The following OTUD7B variants were observed in gnomAD, a reference collection of about 807,000 sequenced individuals.
OTUD7B encodes the protein OTU domain-containing protein 7B.
OTUD7B carries 34 observed loss-of-function variants against 82.2 expected under a neutral mutation model. The observed-to-expected ratio is 0.41, with a 90% CI of 0.31 to 0.55. OTUD7B has a LOEUF of 0.55. OTUD7B is among the 20% of genes least tolerant of loss of function. OTUD7B has a pLI of 0.20. For missense variants in OTUD7B, 944 were observed against 1,062.1 expected (o/e 0.89, Z 1.55); for synonymous variants, 398 against 402.7 (o/e 0.99, Z 0.14).
chr1:150,016,722 G>A, the OTUD7B span, among the ~76,000 whole-genome samples: 1 of 152,186 alleles, frequency 6.6e-6, no homozygotes, highest in Non-Finnish European at 1.5e-5. Context: ...AAAGTGCTGA[G>A]ATTACAGGAG....
the OTUD7B span, among the ~76,000 whole-genome samples, chr1:150,019,356 G>GA: frequency 6.6e-6 from 1 of 151,114 alleles, no homozygotes; most frequent in Non-Finnish European, 1.5e-5. Context: ...AATTGTCTTT[G>GA]TTTTGTTTGT....
At chr1:149,999,780 G>T (rs1353458506) in intron 1 of OTUD7B, among the ~76,000 whole-genome samples, 1 of 151,978 alleles carries the variant, frequency 6.6e-6, no homozygotes, top group African/African-American at 2.4e-5. Flanking sequence ...CTTCACATGC[G>T]ACTACCTTCA....
At chr1:150,008,281 G>A (rs1553786614) in intron 1 of OTUD7B, among the ~76,000 whole-genome samples, 1 of 152,058 alleles carries the variant, frequency 6.6e-6, no homozygotes, top group African/African-American at 2.4e-5. Flanking sequence ...CACTAATATT[G>A]GCACCAATCA....
intron 11 of OTUD7B, 81 bp from the exon 12 acceptor site, chr1:149,945,146 A>C: frequency 6.6e-7 from 1 of 1,515,826 alleles, no homozygotes; most frequent in Non-Finnish European, 8.8e-7. Context: ...TAGCCCATCC[A>C]TCTGGCTCAG....
chr1:149,963,097 T>A (rs975711791), intron 6 of OTUD7B: 4 of 152,176 alleles, frequency 2.6e-5, no homozygotes, highest in Non-Finnish European at 4.4e-5. Flanking sequence ...TCTACTTACA[T>A]ATTAAATCTT....
At chr1:149,970,446 G>T (rs185780962) in intron 3 of OTUD7B, among the ~76,000 whole-genome samples, 1 of 151,924 alleles carries the variant, frequency 6.6e-6, no homozygotes, top group Admixed American at 6.6e-5. Context: ...AGCCTCCCAA[G>T]TAGCTGGGAT....
At chr1:150,020,752 G>A in the OTUD7B span, among the ~76,000 whole-genome samples, 8 of 152,270 alleles carry the variant, frequency 5.3e-5, no homozygotes, top group East Asian at 1.3e-3. Context: ...TTTATTTAAA[G>A]CTACTGATTT....
At chr1:149,956,950 G>A (rs1553774686) in intron 7 of OTUD7B, among the ~76,000 whole-genome samples, 1 of 152,004 alleles carries the variant, frequency 6.6e-6, no homozygotes, top group African/African-American at 2.4e-5. Flanking sequence ...CTTTTTTCAA[G>A]GTTTTTAGCT....
At chr1:149,980,114 G>GA (rs1402438332) in intron 1 of OTUD7B, among the ~76,000 whole-genome samples, 2 of 151,776 alleles carry the variant, frequency 1.3e-5, no homozygotes, top group Non-Finnish European at 2.9e-5. Flanking sequence ...AGAAGTGAAT[G>GA]AAAACTAGTG....
At position 149,949,776 on chromosome 1, in the gene OTUD7B, A is replaced by G. The variant is rs1648043692; in HGVS notation, c.976T>C (p.Phe326Leu). Residue 326 changes from phenylalanine (F) to leucine (L), a missense_variant and splice_region_variant, in exon 9 of 12, where the codon TTT becomes CTT. Phe to Leu is a conservative substitution (Grantham distance 22). Transcript: ENST00000581312. ...ATTCCTCCAAAGGGAATAGGGGCAA[A>G]TGCTGCAGGAAGCCATGAAGATTAT... ...TMLRDSGGEAFAPIPFGGIYL... is the reference protein window; with the variant it reads ...TMLRDSGGEALAPIPFGGIYL... 1 of 1,613,860 alleles carries G rather than the reference A, an allele frequency of 6.2e-7. No homozygotes were observed. The highest frequency in any genetic ancestry group is 1.7e-5 in the Admixed American group (1 of 59,938).
At chr1:150,023,619 C>T in the OTUD7B span, among the ~76,000 whole-genome samples, 1 of 152,006 alleles carries the variant, frequency 6.6e-6, no homozygotes, top group African/African-American at 2.4e-5. Context: ...TGGTGGTTAC[C>T]AGAGGCTGTG....
chr1:150,029,895 G>A, the OTUD7B span, among the ~76,000 whole-genome samples: 3 of 152,062 alleles, frequency 2.0e-5, no homozygotes, highest in Non-Finnish European at 4.4e-5. Context: ...TAGCACCACA[G>A]CCAGCTCAAG....
At chr1:150,010,169 C>T (rs1652942623) in intron 1 of OTUD7B, among the ~76,000 whole-genome samples, 1 of 152,090 alleles carries the variant, frequency 6.6e-6, no homozygotes, top group Non-Finnish European at 1.5e-5. Flanking sequence ...AAGGGGGGAC[C>T]GTCCAAACTG....
chr1:149,946,104 C>G (rs1324675609), intron 11 of OTUD7B, among the ~76,000 whole-genome samples: 1 of 149,978 alleles, frequency 6.7e-6, no homozygotes, highest in Non-Finnish European at 1.5e-5. Context: ...TTAGGTCAGG[C>G]GCGGTGGCTC....
At chr1:149,987,437 A>G (rs1196732180) in intron 1 of OTUD7B, among the ~76,000 whole-genome samples, 1 of 152,242 alleles carries the variant, frequency 6.6e-6, no homozygotes, top group Middle Eastern at 3.2e-3. Context: ...TAGGTAAGTA[A>G]TATAACCATT....
the OTUD7B span, among the ~76,000 whole-genome samples, chr1:150,063,500 C>T: frequency 3.3e-5 from 5 of 152,208 alleles, no homozygotes; most frequent in East Asian, 9.7e-4. Context: ...ATACAGAAAT[C>T]CAGTTTCTTT....
chr1:149,944,280 C>T lies in OTUD7B; in HGVS notation c.2109G>A (p.Gly703=), dbSNP rs782772578. ...GGGGTTCCTGGCAGTGGACTCCGCC[C>T]CCAGACGGCCGAGGGATAGTAAAGT... ...PGDFTIPRPS[G]GGVHCQEPRR... is the part of the protein sequence containing the mutation. The change falls in exon 12 of 12, where the codon GGG becomes GGA. Residue 703 remains glycine (G), a synonymous_variant. Transcript: ENST00000581312. 6.2e-7 allele frequency: 1 copy of T among 1,610,352 alleles called. No individual in the cohort carries two copies. Among genetic ancestry groups the T allele is most frequent in the Admixed American group, 1.7e-5 (1 of 59,818 alleles).
intron 1 of OTUD7B, among the ~76,000 whole-genome samples, chr1:149,980,025 G>T (rs1162497870): frequency 6.6e-6 from 1 of 151,892 alleles, no homozygotes; most frequent in Non-Finnish European, 1.5e-5. Flanking sequence ...TCACAAACAG[G>T]TGCTCAGCAA....
At position 149,944,776 on chromosome 1, in the gene OTUD7B, C is replaced by T. The variant is rs781989714; in HGVS notation, c.1613G>A (p.Gly538Glu). 1.3e-5 allele frequency: 21 copies of T among 1,613,996 alleles called. No individual in the cohort carries two copies. The highest frequency in any genetic ancestry group is 1.1e-5 in the South Asian group (1 of 91,078). The change falls in exon 12 of 12, where the codon GGG becomes GAG. Residue 538 changes from glycine to glutamate, a missense_variant. Transcript: ENST00000581312. ...KGSKPGGVGT[G>E]LGGSSGTETL... ...CTCAGTGCCGCTGCTTCCTCCCAAC[C>T]CTGTCCCCACCCCTCCAGGCTTTGA... is the stretch of plus-strand genomic sequence containing the variant.
Sources: gnomAD v4.1 joint callset for allele counts (sites outside exome capture counted in the v4.1 genomes callset) on GRCh38, gnomAD v4.1.1 for gene constraint, MANE v1.5 for transcripts, NCBI Gene and HGNC (gene_info 2026-07-23, HGNC 2026-07-21) for gene names.